PPFIA2: variants seen among roughly 807,000 people sequenced by gnomAD.
The protein encoded by PPFIA2 is liprin-alpha-2.
In PPFIA2, 46 loss-of-function variants were observed where a neutral mutation model predicts 175.5. The observed-to-expected ratio is 0.26, with a 90% CI of 0.21 to 0.34. PPFIA2 has a LOEUF of 0.34. PPFIA2 is among the 10% of genes least tolerant of loss of function. The pLI, the probability that PPFIA2 is intolerant of heterozygous loss-of-function variation, is 1.00. For missense variants in PPFIA2, 1,179 were observed against 1,506.1 expected, an observed-to-expected ratio of 0.78 and a Z score of 3.60; for synonymous variants, 568 against 511.4, an observed-to-expected ratio of 1.11 and a Z score of -1.49.
intron 4 of PPFIA2, among the ~76,000 whole-genome samples, chr12:81,476,182 G>A (rs2057454094): frequency 6.6e-6 from 1 of 152,122 alleles, no homozygotes; most frequent in Admixed American, 6.6e-5. Context: ...AATATCTACA[G>A]GGTGCTCCAG....
At chr12:81,736,551 G>A (rs1482347609) in intron 3 of PPFIA2, among the ~76,000 whole-genome samples, 4 of 151,934 alleles carry the variant, frequency 2.6e-5, no homozygotes, top group Admixed American at 6.6e-5. Flanking sequence ...CAGCTGTGAA[G>A]GGGATGCATT....
intron 3 of PPFIA2, among the ~76,000 whole-genome samples, chr12:81,743,530 A>T (rs2082638913): frequency 6.6e-6 from 1 of 151,684 alleles, no homozygotes; most frequent in Admixed American, 6.6e-5. Flanking sequence ...TTTAAAAAAA[A>T]AAGAGAAATG....
chr12:81,397,233 C>T (rs939539412), intron 8 of PPFIA2, among the ~76,000 whole-genome samples: 4 of 151,714 alleles, frequency 2.6e-5, no homozygotes. Flanking sequence ...AGGTAGAGAA[C>T]ATGTGGAGGG....
intron 22 of PPFIA2, among the ~76,000 whole-genome samples, chr12:81,323,493 G>A (rs116993050): frequency 0.014 from 2,053 of 151,850 alleles, 49 homozygotes; most frequent in East Asian, 0.048. Flanking sequence ...CCTGATAGAA[G>A]ACTAGCAAAC....
chr12:81,692,066 C>CCT (rs760566521), intron 3 of PPFIA2, among the ~76,000 whole-genome samples: 46 of 144,692 alleles, frequency 3.2e-4, no homozygotes, highest in Admixed American at 1.4e-3. Flanking sequence ...TTTCTCTCTT[C>CCT]CTCTCTCTCT....
chr12:81,605,650 G>GCTATCTATCTATCTATCTAT (rs10595723), intron 4 of PPFIA2, among the ~76,000 whole-genome samples: 5 of 143,898 alleles, frequency 3.5e-5, no homozygotes, highest in Middle Eastern at 3.6e-3. Flanking sequence ...CATCCATCCA[G>GCTATCTATCTATCTATCTAT]CTATCTATCT....
chr12:81,655,445 TTCTC>T (rs1204546490), intron 4 of PPFIA2, among the ~76,000 whole-genome samples: 1 of 151,890 alleles, frequency 6.6e-6, no homozygotes, highest in South Asian at 2.1e-4. Context: ...TATTATAAAT[TTCTC>T]TCTAAGTTGG....
chr12:81,446,693 T>G (rs2145329814), intron 5 of PPFIA2, among the ~76,000 whole-genome samples: 1 of 152,036 alleles, frequency 6.6e-6, no homozygotes, highest in South Asian at 2.1e-4. Flanking sequence ...AAAGCAGAAA[T>G]TACCCAAACA....
At chr12:81,340,425 C>T (rs2057849936) in intron 20 of PPFIA2, among the ~76,000 whole-genome samples, 1 of 151,998 alleles carries the variant, frequency 6.6e-6, no homozygotes, top group African/African-American at 2.4e-5. Flanking sequence ...AGATATATTT[C>T]AGATATAAAC....
intron 23 of PPFIA2, among the ~76,000 whole-genome samples, chr12:81,299,029 A>G (rs1441277900): frequency 2.6e-5 from 4 of 152,190 alleles, no homozygotes; most frequent in Non-Finnish European, 4.4e-5. Context: ...TCTTGCAACA[A>G]TAAAATTTTG....
chr12:81,431,237 A>G (rs1232402326), intron 7 of PPFIA2: 2 of 152,226 alleles, frequency 1.3e-5, no homozygotes, highest in Non-Finnish European at 2.9e-5. Context: ...GCTTAATTAC[A>G]TAATTTTAAA....
chr12:81,704,214 A>T (rs1184590034), intron 3 of PPFIA2, among the ~76,000 whole-genome samples: 10 of 152,126 alleles, frequency 6.6e-5, no homozygotes, highest in Non-Finnish European at 7.4e-5. Flanking sequence ...GCAAATTATA[A>T]CATTAAACAG....
intron 3 of PPFIA2, among the ~76,000 whole-genome samples, chr12:81,682,572 A>G (rs1352919357): frequency 6.6e-6 from 1 of 152,074 alleles, no homozygotes; most frequent in Non-Finnish European, 1.5e-5. Flanking sequence ...GTGAAATAGT[A>G]AAATGACCAT....
chr12:81,324,484 T>G lies in PPFIA2; in HGVS notation c.2642+1293A>C, dbSNP rs946557004. Among the ~76,000 whole-genome samples the G allele has an allele frequency of 6.6e-5, 10 of 152,140 alleles. No homozygotes were observed. The East Asian group carries it at 1.9e-3, about 29-fold the overall frequency. ...TTCAAGGGAAATAAACTGAGTCCAT[T>G]AGTCAGGCTGGGTTTTGATCATTTA... On this transcript the variant is annotated intron_variant, in intron 22 of 32. Transcript: ENST00000549396.
intron 22 of PPFIA2, among the ~76,000 whole-genome samples, chr12:81,300,206 T>C (rs1342607985): frequency 6.6e-6 from 1 of 152,222 alleles, no homozygotes; most frequent in Non-Finnish European, 1.5e-5. Flanking sequence ...ATAGTAGCTA[T>C]GTGCTTTCAC....
intron 4 of PPFIA2, among the ~76,000 whole-genome samples, chr12:81,586,678 T>C (rs2153436197): frequency 6.6e-6 from 1 of 151,898 alleles, no homozygotes; most frequent in Non-Finnish European, 1.5e-5. Flanking sequence ...AAAAGGATAC[T>C]TAGCATTCTG....
chr12:81,366,506 C>T (rs1473848451), intron 14 of PPFIA2, among the ~76,000 whole-genome samples: 2 of 151,618 alleles, frequency 1.3e-5, no homozygotes, highest in Non-Finnish European at 3.0e-5. Context: ...TTCCTGAAGT[C>T]TTCTTCACAG....
chr12:81,316,480 T>C (rs1005836804), intron 22 of PPFIA2, among the ~76,000 whole-genome samples: 14 of 151,640 alleles, frequency 9.2e-5, no homozygotes, highest in Admixed American at 9.2e-4. Flanking sequence ...ATAATTTAGA[T>C]TGATTCAAGC....
rs373894876 is a variant in PPFIA2, at chr12:81,277,345, T to G, written c.3282A>C (p.Arg1094Ser). The G allele has an allele frequency of 1.6e-5, 25 of 1,572,854 alleles. No homozygotes were observed. The highest frequency in any genetic ancestry group is 2.0e-5 in the Non-Finnish European group (23 of 1,158,000). Residue 1094 changes from arginine to serine, a missense_variant, in exon 28 of 33, where the codon AGA becomes AGC. Physicochemically the swap from Arg to Ser is moderately radical, Grantham distance 110 (BLOSUM62 -1). Around this residue, in one of 10 missense-constraint regions of PPFIA2, gnomAD observed 245 missense variants for 375.1 expected, o/e 0.65. Coordinates refer to ENST00000549396, the MANE Select transcript of PPFIA2 (RefSeq NM_003625.5). ...TTATTTCATGTTGGCTTGCTTCCCGTCTTCTTTCTAGTTCTTTTCTGTCAT... is the reference window on the plus strand; with the variant it reads ...TTATTTCATGTTGGCTTGCTTCCCGGCTTCTTTCTAGTTCTTTTCTGTCAT... ...LNYDRKELER[R>S]REASQHEIKD...
Sources: allele counts gnomAD v4.1 joint callset (sites outside exome capture counted in the v4.1 genomes callset), GRCh38; gene constraint gnomAD v4.1.1; regional missense constraint gnomAD v4.1.1; transcripts MANE v1.5; gene names NCBI Gene and HGNC (gene_info 2026-07-23, HGNC 2026-07-21).